The following GHR variants were observed in gnomAD, a reference collection of about 807,000 sequenced individuals.
The protein encoded by GHR is growth hormone receptor.
A neutral mutation model predicts 67.1 loss-of-function variants in GHR; 35 were observed. The observed-to-expected ratio is 0.52, with a 90% CI of 0.40 to 0.69. The LOEUF (loss-of-function observed/expected upper bound fraction) is 0.69, where lower values mean the gene tolerates loss of function less well. Among genes scored for constraint, GHR ranks in the 30% least tolerant of loss-of-function variants. GHR has a pLI of 0.00. For synonymous variants in GHR, 272 were observed against 269.1 expected, an observed-to-expected ratio of 1.01 and a Z score of -0.10; for missense variants, 792 against 764.6, an observed-to-expected ratio of 1.04 and a Z score of -0.42.
At chr5:42,547,387 T>C (rs1356156863) in intron 1 of GHR, among the ~76,000 whole-genome samples, 1 of 152,090 alleles carries the variant, frequency 6.6e-6, no homozygotes, top group Non-Finnish European at 1.5e-5. Context: ...AGCAACTCAC[T>C]CCACACTCAA....
At chr5:42,671,975 A>G (rs1041712051) in intron 3 of GHR, among the ~76,000 whole-genome samples, 11 of 150,602 alleles carry the variant, frequency 7.3e-5, no homozygotes, top group Admixed American at 7.3e-4. Flanking sequence ...AAAAAAAAGA[A>G]ACTAGGCATT....
At chr5:42,548,572 T>C in intron 1 of GHR, 1 of 843,978 alleles carries the variant, frequency 1.2e-6, no homozygotes, top group Non-Finnish European at 1.4e-6. Context: ...ATTAAAAGGC[T>C]GATAGTCAGG....
chr5:42,666,592 A>G (rs933672864), intron 3 of GHR, among the ~76,000 whole-genome samples: 10 of 152,170 alleles, frequency 6.6e-5, no homozygotes, highest in Admixed American at 5.2e-4. Flanking sequence ...TTAAAATTCA[A>G]TTCTCTGTCA....
intron 6 of GHR, among the ~76,000 whole-genome samples, chr5:42,706,548 T>C (rs1411479849): frequency 6.6e-6 from 1 of 152,174 alleles, no homozygotes; most frequent in Admixed American, 6.6e-5. Context: ...CTTTAATCCA[T>C]CTTGAGTTGA....
At chr5:42,582,690 G>A (rs1281169615) in intron 2 of GHR, among the ~76,000 whole-genome samples, 1 of 152,194 alleles carries the variant, frequency 6.6e-6, no homozygotes, top group East Asian at 1.9e-4. Context: ...CAGCCCTTTG[G>A]GGAGCCCAGA....
intron 3 of GHR, among the ~76,000 whole-genome samples, chr5:42,664,872 T>C (rs1156819686): frequency 6.6e-6 from 1 of 152,110 alleles, no homozygotes; most frequent in African/African-American, 2.4e-5. Context: ...ATCCAGAATC[T>C]ACAATGAACT....
At chr5:42,705,391 T>C (rs187833836) in intron 6 of GHR, among the ~76,000 whole-genome samples, 8 of 152,194 alleles carry the variant, frequency 5.3e-5, no homozygotes, top group Middle Eastern at 3.4e-3. Context: ...ATATTTTTGA[T>C]TTTATTTTTT....
chr5:42,506,838 C>T (rs570459845), intron 1 of GHR, among the ~76,000 whole-genome samples: 2 of 152,162 alleles, frequency 1.3e-5, no homozygotes, highest in Non-Finnish European at 2.9e-5. Flanking sequence ...TCCTGAAAGT[C>T]TGGGTCATTA....
intron 2 of GHR, among the ~76,000 whole-genome samples, chr5:42,625,666 T>C (rs755342245): frequency 6.6e-6 from 1 of 152,172 alleles, no homozygotes; most frequent in Non-Finnish European, 1.5e-5. Flanking sequence ...TTCCAGGCTA[T>C]AGGTAAATTT....
chr5:42,499,693 G>T (rs1300048666), intron 1 of GHR, among the ~76,000 whole-genome samples: 2 of 152,184 alleles, frequency 1.3e-5, no homozygotes, highest in Non-Finnish European at 2.9e-5. Context: ...GTTCAGGAGG[G>T]CTGGACATGT....
chr5:42,697,388 C>G (rs548111822), intron 5 of GHR, among the ~76,000 whole-genome samples: 2 of 152,248 alleles, frequency 1.3e-5, no homozygotes, highest in Admixed American at 6.5e-5. Context: ...GGATGGAAAG[C>G]GACAATGCTA....
rs781242780 is a variant in GHR at position 42,718,540 on chromosome 5, TTTA to T, written c.1036_1038del (p.Ile346del). The T allele has an allele frequency of 6.2e-7, 1 of 1,613,936 alleles. No homozygotes were observed. The highest frequency in any genetic ancestry group is 2.2e-5 in the East Asian group (1 of 44,882). ...CCACAGTGATGACTCTTGGGTTGAA[TTTA>T]TTGAGCTAGATATTGATGAGCCAGA... On this transcript the variant is annotated inframe_deletion, in exon 10 of 10. Transcript: ENST00000230882.
At chr5:42,559,704 C>A (rs1329240787) in intron 1 of GHR, among the ~76,000 whole-genome samples, 1 of 152,214 alleles carries the variant, frequency 6.6e-6, no homozygotes, top group Non-Finnish European at 1.5e-5. Flanking sequence ...GGAGAGAAAT[C>A]TCAGCAAAAG....
At chr5:42,579,154 A>AGAT (rs1182503978) in intron 2 of GHR, among the ~76,000 whole-genome samples, 28 of 39,250 alleles carry the variant, frequency 7.1e-4, no homozygotes, top group South Asian at 1.4e-3. Flanking sequence ...AGATAGATAT[A>AGAT]GATAGATAGA....
chr5:42,659,889 C>T (rs561938406), intron 3 of GHR, among the ~76,000 whole-genome samples: 3 of 152,244 alleles, frequency 2.0e-5, no homozygotes, highest in South Asian at 4.1e-4. Flanking sequence ...CCTGGAAAAT[C>T]GGGTCACTCC....
In GHR at chr5:42,719,173, A is replaced by G; in HGVS notation, c.1666A>G (p.Ile556Val). ...TCCTCACATCAAGGTTGAATCACAC[A>G]TACAGCCAAGCTTAAACCAAGAGGA... ...VAPHIKVESH[I>V]QPSLNQEDIY... The change falls in exon 10 of 10, where the codon ATA (isoleucine) becomes GTA (valine). Residue 556 changes from isoleucine (I) to valine (V), a missense_variant. Coordinates refer to ENST00000230882, the MANE Select transcript of GHR (RefSeq NM_000163.5). The G allele has an allele frequency of 1.2e-6, 2 of 1,614,192 alleles. No homozygotes were observed. Among genetic ancestry groups the G allele is most frequent in the Non-Finnish European group, 1.7e-6 (2 of 1,180,020 alleles).
chr5:42,663,042 C>A (rs1170814010), intron 3 of GHR, among the ~76,000 whole-genome samples: 1 of 152,074 alleles, frequency 6.6e-6, no homozygotes, highest in Non-Finnish European at 1.5e-5. Context: ...AAGACTAAAC[C>A]AGGAAGAGTT....
At chr5:42,503,341 G>A (rs942543830) in intron 1 of GHR, among the ~76,000 whole-genome samples, 1 of 152,132 alleles carries the variant, frequency 6.6e-6, no homozygotes, top group East Asian at 1.9e-4. Flanking sequence ...TTCACTTAAA[G>A]AAACAAAAAC....
At chr5:42,450,811 A>G (rs966218224) in intron 1 of GHR, among the ~76,000 whole-genome samples, 9 of 152,094 alleles carry the variant, frequency 5.9e-5, no homozygotes, top group African/African-American at 2.2e-4. Context: ...GTTGTATCCC[A>G]TAGGTTTTGA....
Sources: gnomAD v4.1 joint callset for allele counts (sites outside exome capture counted in the v4.1 genomes callset) on GRCh38, gnomAD v4.1.1 for gene constraint, MANE v1.5 for transcripts, NCBI Gene and HGNC (gene_info 2026-07-23, HGNC 2026-07-21) for gene names.